PPM1L: variants seen among roughly 807,000 people sequenced by gnomAD.
PPM1L encodes protein phosphatase, Mg2+/Mn2+ dependent 1L.
Under a neutral mutation model 31.4 loss-of-function variants are expected in PPM1L, and 13 were observed. The ratio of observed to expected loss-of-function variants is 0.41; its 90% CI spans 0.27 to 0.66. The LOEUF (loss-of-function observed/expected upper bound fraction) is 0.66, where lower values mean the gene tolerates loss of function less well. PPM1L is among the 30% of genes least tolerant of loss of function. The pLI, the probability that PPM1L is intolerant of heterozygous loss-of-function variation, is 0.29. For synonymous variants in PPM1L, 184 were observed against 175.4 expected (o/e 1.05, Z -0.39); for missense variants, 326 against 453.7 (o/e 0.72, Z 2.56).
At chr3:160,888,854 G>A (rs1246144160) in intron 1 of PPM1L, among the ~76,000 whole-genome samples, 1 of 151,950 alleles carries the variant, frequency 6.6e-6, no homozygotes, top group Non-Finnish European at 1.5e-5. Context: ...AATTGAATAA[G>A]CTGCTTCTGA....
chr3:161,022,044 T>G (rs1172619999), intron 2 of PPM1L: 6 of 501,032 alleles, frequency 1.2e-5, no homozygotes, highest in Non-Finnish European at 2.1e-5. Context: ...TTTTACTATT[T>G]GTTTTTTATA....
At chr3:160,831,682 G>A (rs1051044485) in intron 1 of PPM1L, among the ~76,000 whole-genome samples, 1 of 152,170 alleles carries the variant, frequency 6.6e-6, no homozygotes, top group African/African-American at 2.4e-5. Context: ...GAGTCTGAAA[G>A]GCTGTTTGTG....
intron 2 of PPM1L, among the ~76,000 whole-genome samples, chr3:161,063,118 G>C (rs984827877): frequency 1.3e-5 from 2 of 152,080 alleles, no homozygotes; most frequent in Non-Finnish European, 2.9e-5. Flanking sequence ...CCTTATAGGA[G>C]AATTTATGCT....
intron 1 of PPM1L, among the ~76,000 whole-genome samples, chr3:160,816,616 A>G (rs894629340): frequency 1.5e-4 from 23 of 151,936 alleles, no homozygotes; most frequent in South Asian, 2.1e-4. Context: ...GTAGATATGT[A>G]TCTTCAGTGG....
At chr3:161,041,463 CTT>C (rs200047990) in intron 2 of PPM1L, among the ~76,000 whole-genome samples, 3 of 152,132 alleles carry the variant, frequency 2.0e-5, no homozygotes, top group South Asian at 4.1e-4. Flanking sequence ...GAGTTTGACT[CTT>C]TTTTATTGAT....
chr3:160,961,548 G>T (rs1010831364), intron 1 of PPM1L, among the ~76,000 whole-genome samples, 188 bp from the exon 2 acceptor site: 1 of 152,190 alleles, frequency 6.6e-6, no homozygotes, highest in Non-Finnish European at 1.5e-5. Context: ...TTAGAGGTCT[G>T]TGATTCTATT....
Position 161,071,249 on chromosome 3 carries a change from G to A in PPM1L, c.*2092G>A, listed in dbSNP as rs932876203. The stretch of plus-strand genomic sequence containing the variant: ...CATCAAACTGAAATCAGCACCAATG[G>A]TGTCAGCACTTTACAGCCCATAGCC... On this transcript the variant is annotated 3_prime_UTR_variant, in exon 4 of 4. Transcript: ENST00000498165. 2.0e-5 allele frequency: 3 copies of A among 152,194 alleles called. No homozygotes were observed. The highest frequency in any genetic ancestry group is 6.5e-5 in the Admixed American group (1 of 15,272). 9.4% of individuals were successfully genotyped at this position (152,194 alleles called of 1,614,324 possible).
chr3:160,970,511 G>A (rs1259440346), intron 2 of PPM1L, among the ~76,000 whole-genome samples: 4 of 146,012 alleles, frequency 2.7e-5, no homozygotes, highest in South Asian at 2.1e-4. Flanking sequence ...GTGCAGTGGC[G>A]CAATCTTGGC....
At chr3:161,054,950 C>T (rs1719371301) in intron 2 of PPM1L, among the ~76,000 whole-genome samples, 1 of 152,128 alleles carries the variant, frequency 6.6e-6, no homozygotes, top group South Asian at 2.1e-4. Flanking sequence ...AGACTTATTA[C>T]AGGGGACCTA....
intron 1 of PPM1L, among the ~76,000 whole-genome samples, chr3:160,939,389 A>C (rs1304455904): frequency 6.6e-6 from 1 of 151,994 alleles, no homozygotes; most frequent in Admixed American, 6.6e-5. Flanking sequence ...CTGCTCCGCA[A>C]CTCCTTACAT....
chr3:161,014,976 G>A (rs1299817230), intron 2 of PPM1L, among the ~76,000 whole-genome samples: 1 of 151,992 alleles, frequency 6.6e-6, no homozygotes, highest in African/African-American at 2.4e-5. Flanking sequence ...TCCATTTATT[G>A]GAGCTGGCAA....
At chr3:160,916,556 A>G (rs1714189105) in intron 1 of PPM1L, among the ~76,000 whole-genome samples, 2 of 152,172 alleles carry the variant, frequency 1.3e-5, no homozygotes, top group Non-Finnish European at 2.9e-5. Flanking sequence ...GTCATCTTCA[A>G]CGTGCATGAT....
chr3:160,970,447 ATTTTTT>A (rs1242719344), intron 2 of PPM1L, among the ~76,000 whole-genome samples: 1 of 21,384 alleles, frequency 4.7e-5, no homozygotes, highest in Non-Finnish European at 1.5e-4. Flanking sequence ...CAAGCTGAAT[ATTTTTT>A]TTTTTTTTTT....
chr3:160,887,303 A>G (rs1165192148), intron 1 of PPM1L, among the ~76,000 whole-genome samples: 1 of 152,048 alleles, frequency 6.6e-6, no homozygotes, highest in African/African-American at 2.4e-5. Context: ...TACATCCAGG[A>G]GAACTTCCCC....
intron 1 of PPM1L, among the ~76,000 whole-genome samples, chr3:160,915,081 T>C (rs531540927): frequency 6.6e-6 from 1 of 152,228 alleles, no homozygotes; most frequent in East Asian, 1.9e-4. Flanking sequence ...GAGAAGGAAA[T>C]AAAGGGTATT....
At position 161,072,463 on chromosome 3, in the gene PPM1L, A is replaced by G. The variant is rs1719957738; in HGVS notation, c.*3306A>G. The G allele has an allele frequency of 6.6e-6, 1 of 152,228 alleles. No homozygotes were observed. The highest frequency in any genetic ancestry group is 1.5e-5 in the Non-Finnish European group (1 of 68,042). 9.4% of individuals were successfully genotyped at this position (152,228 alleles called of 1,614,324 possible). On this transcript the variant is annotated 3_prime_UTR_variant, in exon 4 of 4. Transcript: ENST00000498165. Reference sequence around the variant, plus strand: ...GATAATTTAAAACAGACCTTATTTCATACAAGTGTAATTATTACATCATTT... The same window carrying G: ...GATAATTTAAAACAGACCTTATTTCGTACAAGTGTAATTATTACATCATTT...
At chr3:160,928,757 C>T (rs917542762) in intron 1 of PPM1L, among the ~76,000 whole-genome samples, 1 of 152,112 alleles carries the variant, frequency 6.6e-6, no homozygotes, top group African/African-American at 2.4e-5. Flanking sequence ...CTCTTTCTCT[C>T]CTACCATGCG....
At chr3:160,999,601 C>A (rs1048907589) in intron 2 of PPM1L, among the ~76,000 whole-genome samples, 1 of 152,212 alleles carries the variant, frequency 6.6e-6, no homozygotes, top group Non-Finnish European at 1.5e-5. Context: ...CAGGCGTAAA[C>A]ATGTTTTCAA....
intron 1 of PPM1L, among the ~76,000 whole-genome samples, chr3:160,763,917 T>G (rs1715036256): frequency 6.6e-6 from 1 of 152,194 alleles, no homozygotes; most frequent in African/African-American, 2.4e-5. Context: ...TTTGTTACCA[T>G]TTTAGTAATT....
Sources: gnomAD v4.1 joint callset for allele counts (sites outside exome capture counted in the v4.1 genomes callset) on GRCh38, gnomAD v4.1.1 for gene constraint, MANE v1.5 for transcripts, NCBI Gene and HGNC (gene_info 2026-07-23, HGNC 2026-07-21) for gene names.